The following BMPR2 variants were observed in gnomAD, a reference collection of about 807,000 sequenced individuals.
BMPR2 encodes the protein bone morphogenetic protein receptor type-2.
BMPR2 carries 29 observed loss-of-function variants against 100.8 expected under a neutral mutation model. The observed-to-expected ratio is 0.29, with a 90% CI of 0.21 to 0.39. BMPR2 has a LOEUF of 0.39. Among genes scored for constraint, BMPR2 ranks in the 10% least tolerant of loss-of-function variants. The pLI, the probability that BMPR2 is intolerant of heterozygous loss-of-function variation, is 1.00. For missense variants in BMPR2, 1,011 were observed against 1,274.5 expected, an observed-to-expected ratio of 0.79 and a Z score of 3.15; for synonymous variants, 382 against 442.3, an observed-to-expected ratio of 0.86 and a Z score of 1.71.
At chr2:202,433,601 T>C (rs1458871371) in intron 1 of BMPR2, among the ~76,000 whole-genome samples, 1 of 150,678 alleles carries the variant, frequency 6.6e-6, no homozygotes, top group Admixed American at 6.6e-5. Context: ...TACAAATGGA[T>C]AACTCGTTTT....
At position 202,377,193 on chromosome 2, in the gene BMPR2, C is replaced by G; in HGVS notation, c.-282C>G. ...ATTTGGGGGATTTCTTCTTGGCTCCCTGCTTTCCCCACAGACATGCCTTCC... is the reference window on the plus strand; with the variant it reads ...ATTTGGGGGATTTCTTCTTGGCTCCGTGCTTTCCCCACAGACATGCCTTCC... On this transcript the variant is annotated 5_prime_UTR_variant, in exon 1 of 13. Transcript: ENST00000374580. 4 of 595,742 alleles carry G rather than the reference C, an allele frequency of 6.7e-6. No individual in the cohort carries two copies. The South Asian group carries it at 8.0e-5, about 12-fold the overall frequency. 36.9% of individuals were successfully genotyped at this position (595,742 alleles called of 1,614,324 possible).
chr2:202,493,414 C>T (rs976298584), intron 3 of BMPR2, among the ~76,000 whole-genome samples: 1 of 151,942 alleles, frequency 6.6e-6, no homozygotes, highest in Non-Finnish European at 1.5e-5. Flanking sequence ...ACTTTGAGAG[C>T]ATATTTAATG....
intron 1 of BMPR2, among the ~76,000 whole-genome samples, chr2:202,464,325 C>A (rs2105959214): frequency 6.6e-6 from 1 of 151,998 alleles, no homozygotes; most frequent in Non-Finnish European, 1.5e-5. Context: ...TAAAAAGAAA[C>A]CATGTACCCA....
intron 1 of BMPR2, among the ~76,000 whole-genome samples, chr2:202,407,185 C>T (rs986218867): frequency 2.0e-5 from 3 of 151,946 alleles, no homozygotes; most frequent in Non-Finnish European, 4.4e-5. Flanking sequence ...TCAAATGATC[C>T]GCCTACCTTG....
chr2:202,440,921 C>T (rs1691726501), intron 1 of BMPR2, among the ~76,000 whole-genome samples: 1 of 150,504 alleles, frequency 6.6e-6, no homozygotes, highest in Non-Finnish European at 1.5e-5. Context: ...TTTATTAAGA[C>T]ATTAAATACA....
chr2:202,386,206 CA>C (rs1690423504), intron 1 of BMPR2, among the ~76,000 whole-genome samples: 1 of 152,196 alleles, frequency 6.6e-6, no homozygotes, highest in African/African-American at 2.4e-5. Context: ...TAAAGGCGTA[CA>C]AGTTTCAAAT....
intron 12 of BMPR2, among the ~76,000 whole-genome samples, chr2:202,558,222 C>T (rs1688616250): frequency 6.6e-6 from 1 of 152,122 alleles, no homozygotes; most frequent in South Asian, 2.1e-4. Flanking sequence ...AAGTGATTCT[C>T]CTGCCTCAGC....
chr2:202,394,045 C>T (rs1436010532), intron 1 of BMPR2, among the ~76,000 whole-genome samples: 6 of 151,782 alleles, frequency 4.0e-5, no homozygotes, highest in Non-Finnish European at 8.8e-5. Context: ...TTGAAGGAAC[C>T]GGTTGTATAA....
chr2:202,508,075 A>G (rs966003289), intron 3 of BMPR2, among the ~76,000 whole-genome samples: 9 of 76,616 alleles, frequency 1.2e-4, no homozygotes, highest in Admixed American at 3.0e-4. Flanking sequence ...TGAGGCTATT[A>G]TTATTATTAT....
chr2:202,559,907 A>C lies in BMPR2; in HGVS notation c.3078A>C (p.Thr1026=). The change falls in exon 13 of 13, where the codon ACA becomes ACC. Residue 1026 remains threonine, a synonymous_variant. Transcript: ENST00000374580. ...ACCTTGCAGAAGGAGGCACTGCTAC[A>C]ACCATGGTGTCTAAAGATATAGGAA... The part of the protein sequence containing the change: ...AVYLAEGGTA[T]TMVSKDIGMN... 6.2e-7 allele frequency: 1 copy of C among 1,614,148 alleles called. No homozygotes were observed. The highest frequency in any genetic ancestry group is 1.1e-5 in the South Asian group (1 of 91,080).
At position 202,377,112 on chromosome 2, in the gene BMPR2, A is replaced by C; in HGVS notation, c.-363A>C. 1.8e-6 allele frequency: 1 copy of C among 554,470 alleles called. No individual in the cohort carries two copies. The highest frequency in any genetic ancestry group is 3.0e-5 in the East Asian group (1 of 33,424). The allele number at this position is 554,470 out of a possible 1,614,324, so 34.3% of individuals were successfully genotyped here. A position where few individuals can be genotyped will look rare whatever the true frequency, so the allele number is the denominator to read the frequency against. On this transcript the variant is annotated 5_prime_UTR_variant, in exon 1 of 13. The change abolishes an upstream ATG in the 5' untranslated region. Coordinates refer to ENST00000374580, the MANE Select transcript of BMPR2 (RefSeq NM_001204.7). ...AATCCCCGCCCTCCGCACCCTGGAT[A>C]TGTTTTCTCCCAGACCTGGATATTT...
At chr2:202,526,295 TTTCC>T (rs1687911047) in intron 7 of BMPR2, among the ~76,000 whole-genome samples, 1 of 152,232 alleles carries the variant, frequency 6.6e-6, no homozygotes, top group Admixed American at 6.5e-5. Context: ...CCTTGCTACA[TTTCC>T]TTGTCATATT....
At chr2:202,425,290 G>C (rs6752522) in intron 1 of BMPR2, among the ~76,000 whole-genome samples, 16,706 of 152,192 alleles carry the variant, frequency 0.11, 1,073 homozygotes, top group Non-Finnish European at 0.14. Context: ...TCAGTCTGCC[G>C]CTAGTGCTGC....
intron 1 of BMPR2, among the ~76,000 whole-genome samples, chr2:202,410,990 C>T (rs1430541773): frequency 4.0e-5 from 6 of 151,892 alleles, no homozygotes. Flanking sequence ...AGTAGAATTT[C>T]AGTTAATAAA....
At chr2:202,408,403 A>G (rs1006015456) in intron 1 of BMPR2, among the ~76,000 whole-genome samples, 13 of 152,208 alleles carry the variant, frequency 8.5e-5, no homozygotes, top group Non-Finnish European at 1.5e-5. Context: ...TGTTTCTCAT[A>G]AAAGGTTAGT....
chr2:202,393,652 A>G (rs1440449414), intron 1 of BMPR2, among the ~76,000 whole-genome samples: 1 of 152,092 alleles, frequency 6.6e-6, no homozygotes, highest in African/African-American at 2.4e-5. Context: ...GCAAAGAATT[A>G]TATTTGAAAA....
At chr2:202,535,046 A>C (rs1276056995) in intron 9 of BMPR2, among the ~76,000 whole-genome samples, 7 of 91,448 alleles carry the variant, frequency 7.7e-5, no homozygotes, top group South Asian at 4.1e-4. Flanking sequence ...TGACCCCCCC[A>C]CCTCCCTCCC....
At chr2:202,421,788 C>T (rs1402313399) in intron 1 of BMPR2, among the ~76,000 whole-genome samples, 1 of 142,752 alleles carries the variant, frequency 7.0e-6, no homozygotes, top group Non-Finnish European at 1.5e-5. Context: ...GTTGGGAAAA[C>T]ACAACTGGGG....
intron 3 of BMPR2, among the ~76,000 whole-genome samples, chr2:202,504,714 CTG>C (rs1471355474): frequency 7.3e-6 from 1 of 137,702 alleles, no homozygotes; most frequent in East Asian, 2.1e-4. Context: ...GAGTCGCACT[CTG>C]TCACTCAGGC....
Sources: allele counts gnomAD v4.1 joint callset (sites outside exome capture counted in the v4.1 genomes callset), GRCh38; gene constraint gnomAD v4.1.1; transcripts MANE v1.5; gene names NCBI Gene and HGNC (gene_info 2026-07-23, HGNC 2026-07-21).